Variants in VGLL4 observed in about 807,000 individuals in gnomAD.
The protein encoded by VGLL4 is vestigial like family member 4, also known as transcription cofactor vestigial-like protein 4.
Under a neutral mutation model 21.0 loss-of-function variants are expected in VGLL4, and 7 were observed. That is an observed-to-expected ratio of 0.33 (90% CI 0.19 to 0.63). VGLL4 has a LOEUF of 0.63. Ranked by LOEUF, VGLL4 falls within the 20% of genes least tolerant of loss-of-function variation. VGLL4 has a pLI of 0.78. For missense variants in VGLL4, 394 were observed against 425.7 expected (o/e 0.93, Z 0.66); for synonymous variants, 222 against 173.2 (o/e 1.28, Z -2.21).
intron 1 of VGLL4, among the ~76,000 whole-genome samples, chr3:11,620,294 C>A (rs3856800): frequency 6.6e-6 from 1 of 152,058 alleles, no homozygotes; most frequent in Non-Finnish European, 1.5e-5. Flanking sequence ...ACTCCTATAC[C>A]ACTCGGAGAG....
intron 2 of VGLL4, among the ~76,000 whole-genome samples, chr3:11,699,882 G>A (rs1001232756): frequency 3.3e-5 from 5 of 152,004 alleles, no homozygotes; most frequent in Non-Finnish European, 5.9e-5. Flanking sequence ...CCTTATAAGC[G>A]AATTTATCCT....
At chr3:11,622,108 CTAT>C (rs1343543188) in intron 1 of VGLL4, among the ~76,000 whole-genome samples, 1 of 152,170 alleles carries the variant, frequency 6.6e-6, no homozygotes, top group African/African-American at 2.4e-5. Context: ...TCCTTCAAAT[CTAT>C]TATTATAGTT....
intron 2 of VGLL4, among the ~76,000 whole-genome samples, chr3:11,591,622 T>A (rs955882161): frequency 6.6e-6 from 1 of 152,190 alleles, no homozygotes; most frequent in Non-Finnish European, 1.5e-5. Context: ...AATGAGAAAA[T>A]GCCTCTAGCC....
rs1208096405 is a variant in VGLL4 at position 11,601,999 on chromosome 3, G to C, written c.106C>G (p.Pro36Ala). 1 of 1,583,428 alleles carries C rather than the reference G, an allele frequency of 6.3e-7. No individual in the cohort carries two copies. Among genetic ancestry groups the C allele is most frequent in the South Asian group, 1.1e-5 (1 of 87,000 alleles). The change falls in exon 2 of 5, where the codon CCC (proline) becomes GCC (alanine). Residue 36 changes from proline (P) to alanine (A), a missense_variant. Transcript: ENST00000430365. ...GCCACCGGCAGGGTCTGTATTCTGG[G>C]TTCTCCCCTGAGAGCAGCTTCGCCT... ...YEGEAALRGE[P>A]RIQTLPVASA...
At chr3:11,617,638 G>C (rs1281927461) in intron 1 of VGLL4, among the ~76,000 whole-genome samples, 1 of 152,214 alleles carries the variant, frequency 6.6e-6, no homozygotes, top group South Asian at 2.1e-4. Context: ...ACATTGACCT[G>C]ATCTTTCCGA....
rs200794373 is a variant in VGLL4 at position 11,710,054 on chromosome 3, CAA to C, written c.-13-7009_-13-7008del. Among the ~76,000 whole-genome samples the C allele has an allele frequency of 1.7e-3, 253 of 152,224 alleles. 1 individual carries two copies. The highest frequency in any genetic ancestry group is 5.5e-3 in the African/African-American group (230 of 41,524). On this transcript the variant is annotated intron_variant, in intron 1 of 5. Coordinates refer to the VGLL4 transcript ENST00000273038. ...GCACATGACATGGCAAGGGCAGGAG[CAA>C]AAGAGGCAAGAAGGTGCCACATTCT...
At chr3:11,577,997 C>G (rs2125215689) in intron 2 of VGLL4, among the ~76,000 whole-genome samples, 1 of 152,342 alleles carries the variant, frequency 6.6e-6, no homozygotes, top group Non-Finnish European at 1.5e-5. Flanking sequence ...TTAAGAGGGT[C>G]ACACTCCAGA....
In VGLL4 at chr3:11,677,464, G is replaced by A. The variant is rs115282633; in HGVS notation, c.64+25507C>T. On this transcript the variant is annotated intron_variant, in intron 2 of 5. Coordinates refer to the VGLL4 transcript ENST00000273038. ...TTTTTTGTATTTTTTGGGAAAACAT[G>A]AGGTCTCGCTATGTTGCCCATGGTG... 4.1e-3 allele frequency among the ~76,000 whole-genome samples: 626 copies of A among 151,984 alleles called. 1 individual carries two copies. The highest frequency in any genetic ancestry group is 0.014 in the African/African-American group (589 of 41,434).
chr3:11,665,981 T>C (rs961888573), intron 2 of VGLL4, among the ~76,000 whole-genome samples: 1 of 152,116 alleles, frequency 6.6e-6, no homozygotes, highest in South Asian at 2.1e-4. Flanking sequence ...CCGGGCGCGG[T>C]GGCTCACGCC....
chr3:11,595,086 AGGAGGT>A (rs1227617753), intron 2 of VGLL4, among the ~76,000 whole-genome samples: 2 of 152,216 alleles, frequency 1.3e-5, no homozygotes, highest in African/African-American at 4.8e-5. Context: ...GCTGGAACCC[AGGAGGT>A]GGAGGTTGTG....
chr3:11,580,471 C>T (rs984941814), intron 2 of VGLL4, among the ~76,000 whole-genome samples: 4 of 152,140 alleles, frequency 2.6e-5, no homozygotes, highest in Admixed American at 6.5e-5. Flanking sequence ...TGCAAGTATC[C>T]GTTCAAGTCT....
intron 1 of VGLL4, among the ~76,000 whole-genome samples, chr3:11,716,277 G>A (rs2076917561): frequency 6.7e-6 from 1 of 149,648 alleles, no homozygotes; most frequent in African/African-American, 2.5e-5. Context: ...ACTCCAGCCT[G>A]GGCAACAAGA....
chr3:11,683,303 G>A (rs2076401968), intron 2 of VGLL4, among the ~76,000 whole-genome samples: 1 of 152,168 alleles, frequency 6.6e-6, no homozygotes, highest in Non-Finnish European at 1.5e-5. Context: ...CATAGACATG[G>A]TGAAAAGGGA....
chr3:11,582,550 G>A (rs1413014278), intron 2 of VGLL4, among the ~76,000 whole-genome samples: 2 of 152,182 alleles, frequency 1.3e-5, no homozygotes, highest in African/African-American at 2.4e-5. Context: ...TTGCCAAAAC[G>A]CTACACGCAT....
chr3:11,709,443 A>C (rs565083515), intron 1 of VGLL4, among the ~76,000 whole-genome samples: 60 of 99,180 alleles, frequency 6.0e-4, no homozygotes, highest in Non-Finnish European at 1.1e-3. Flanking sequence ...TCTAAAAAAA[A>C]AAAAAAAAAA....
intron 1 of VGLL4, among the ~76,000 whole-genome samples, chr3:11,638,037 A>T (rs967157835): frequency 1.3e-5 from 2 of 152,224 alleles, no homozygotes; most frequent in African/African-American, 4.8e-5. Context: ...CTGTTTTTAT[A>T]TATTTGTGTA....
At chr3:11,570,276 C>T in intron 2 of VGLL4, among the ~76,000 whole-genome samples, 1 of 152,126 alleles carries the variant, frequency 6.6e-6, no homozygotes, top group Non-Finnish European at 1.5e-5. Context: ...CCATCCCAAG[C>T]TGCCAGGAGG....
At chr3:11,643,407 C>T (rs79002446) in intron 1 of VGLL4, 30 bp downstream of exon 1, 21,705 of 1,613,848 alleles carry the variant, frequency 0.013, 280 homozygotes, top group South Asian at 0.046. Context: ...GGACGAGCAA[C>T]GGGCAGTAAT....
At chr3:11,705,707 T>TTAAA (rs1324029728) in intron 1 of VGLL4, among the ~76,000 whole-genome samples, 4 of 152,204 alleles carry the variant, frequency 2.6e-5, no homozygotes, top group Non-Finnish European at 5.9e-5. Context: ...TTTAAAGTCT[T>TTAAA]GTGATTTGGT....
Sources: allele counts gnomAD v4.1 joint callset (sites outside exome capture counted in the v4.1 genomes callset), GRCh38; gene constraint gnomAD v4.1.1; transcripts MANE v1.5; gene names NCBI Gene and HGNC (gene_info 2026-07-23, HGNC 2026-07-21).